ITPRIP: variants seen among roughly 807,000 people sequenced by gnomAD.
ITPRIP encodes the protein inositol 1,4,5-trisphosphate receptor interacting protein.
Under a neutral mutation model 35.8 loss-of-function variants are expected in ITPRIP, and 32 were observed. The observed-to-expected ratio is 0.89, with a 90% CI of 0.68 to 1.20. ITPRIP has a LOEUF of 1.20. ITPRIP is among the 50% of genes most tolerant of loss of function. The probability of loss-of-function intolerance (pLI) is 0.00; values close to 1 mark genes in which losing one functional copy is unlikely to be tolerated. For missense variants in ITPRIP, 653 were observed against 735.6 expected (o/e 0.89, Z 1.30); for synonymous variants, 358 against 324.0 (o/e 1.11, Z -1.13).
intron 1 of ITPRIP, among the ~76,000 whole-genome samples, chr10:104,336,494 T>TGGGG (rs60388927): frequency 2.7e-5 from 2 of 74,608 alleles, no homozygotes; most frequent in Non-Finnish European, 6.0e-5. Flanking sequence ...TATTTTTTTT[T>TGGGG]GGGGGGGGGG....
intron 1 of ITPRIP, among the ~76,000 whole-genome samples, chr10:104,325,808 A>G (rs573660503): frequency 6.0e-4 from 91 of 152,218 alleles, no homozygotes; most frequent in Non-Finnish European, 1.2e-3. Context: ...GTATTAGAGT[A>G]AGGCCTGTGG....
At position 104,333,092 on chromosome 10, in the gene ITPRIP, C is replaced by A. The variant is rs989851379; in HGVS notation, c.-14+5154G>T. ...ATGGAAAGTCACTTTTCTGATGGCCCCATCACTGCTCCAGCCTGCCCTTCC... is the reference window on the plus strand; with the variant it reads ...ATGGAAAGTCACTTTTCTGATGGCCACATCACTGCTCCAGCCTGCCCTTCC... On this transcript the variant is annotated intron_variant, in intron 1 of 1. Transcript: ENST00000337478. The surrounding 1 kb of genome is among the most constrained non-coding windows in gnomAD (Gnocchi z 4.1). 1.3e-5 allele frequency among the ~76,000 whole-genome samples: 2 copies of A among 152,170 alleles called. No homozygotes were observed. The highest frequency in any genetic ancestry group is 4.8e-5 in the African/African-American group (2 of 41,444).
At chr10:104,332,195 G>C (rs1017339779) in intron 1 of ITPRIP, among the ~76,000 whole-genome samples, 47 of 152,032 alleles carry the variant, frequency 3.1e-4, no homozygotes, top group African/African-American at 1.1e-3. Context: ...CCCTAGAATG[G>C]GGCTTTGCTC....
rs889050028 is a variant in ITPRIP, at chr10:104,313,063, G to T, written c.*1345C>A. The T allele has an allele frequency of 1.4e-5, 14 of 985,432 alleles. No homozygotes were observed. Among genetic ancestry groups the T allele is most frequent in the Non-Finnish European group, 1.7e-5 (14 of 829,976 alleles). The allele number at this position is 985,432 out of a possible 1,614,324, so 61.0% of individuals were successfully genotyped here. A position where few individuals can be genotyped will look rare whatever the true frequency, so the allele number is the denominator to read the frequency against. On this transcript the variant is annotated 3_prime_UTR_variant, in exon 2 of 2. Coordinates refer to ENST00000337478, the MANE Select transcript of ITPRIP (RefSeq NM_001272013.2). ...CTCTTTGGGTCTGGGTCATCTGTGT[G>T]GTCAGCAGTGCCCACACAGAAGGGG...
Position 104,315,327 on chromosome 10 carries a change from T to C in ITPRIP, c.725A>G (p.Gln242Arg), listed in dbSNP as rs767974264. Residue 242 changes from glutamine (Q) to arginine (R), a missense_variant, in exon 2 of 2, where the codon CAG becomes CGG. Gln to Arg is a conservative substitution (Grantham distance 43, BLOSUM62 1). Transcript: ENST00000337478. This position sits in a 1 kb window ranked among gnomAD's most constrained non-coding sequence, Gnocchi z 5.7. ...CCCATCGGCGCGGACCACCTTGATCTGGCCGTAGCCCTGGCGATCCAGGGG... is the reference window on the plus strand; with the variant it reads ...CCCATCGGCGCGGACCACCTTGATCCGGCCGTAGCCCTGGCGATCCAGGGG... ...SVPLDRQGYG[Q>R]IKVVRADGDT... 1.3e-5 allele frequency: 21 copies of C among 1,567,478 alleles called. No individual in the cohort carries two copies. The highest frequency in any genetic ancestry group is 1.8e-5 in the Non-Finnish European group (21 of 1,153,630).
At chr10:104,332,600 C>A (rs912836918) in intron 1 of ITPRIP, among the ~76,000 whole-genome samples, 1 of 152,186 alleles carries the variant, frequency 6.6e-6, no homozygotes. Context: ...AAGCAGCAGG[C>A]ATCACCTGAT....
intron 1 of ITPRIP, among the ~76,000 whole-genome samples, chr10:104,321,157 G>A (rs1449540017): frequency 6.6e-6 from 1 of 152,114 alleles, no homozygotes; most frequent in African/African-American, 2.4e-5. Flanking sequence ...CCTCTGCCTT[G>A]GCCCAAAGTT....
intron 1 of ITPRIP, among the ~76,000 whole-genome samples, chr10:104,327,375 C>T (rs952527294): frequency 3.3e-5 from 5 of 152,102 alleles, no homozygotes; most frequent in African/African-American, 1.2e-4. Flanking sequence ...AAGGCCTGGC[C>T]CAACCAGCCT....
At position 104,310,341 on chromosome 10, in the gene ITPRIP, G is replaced by A. The variant is rs1182624704; in HGVS notation, c.*4067C>T. ...ATAGATAAGGACTCCTTAGTTTGGGGGTGAATCAAGTTACTGTCTCACTCA... is the reference window on the plus strand; with the variant it reads ...ATAGATAAGGACTCCTTAGTTTGGGAGTGAATCAAGTTACTGTCTCACTCA... On this transcript the variant is annotated 3_prime_UTR_variant, in exon 2 of 2. Transcript: ENST00000337478. 1.3e-5 allele frequency: 2 copies of A among 152,094 alleles called. No individual in the cohort carries two copies. Among genetic ancestry groups the A allele is most frequent in the East Asian group, 1.9e-4 (1 of 5,182 alleles). The allele number at this position is 152,094 out of a possible 1,614,324, so 9.4% of individuals were successfully genotyped here.
rs1474291950 is a variant in ITPRIP, at chr10:104,314,162, G to C, written c.*246C>G. 7.7e-7 allele frequency: 1 copy of C among 1,294,140 alleles called. No individual in the cohort carries two copies. Among genetic ancestry groups the C allele is most frequent in the Non-Finnish European group, 9.8e-7 (1 of 1,020,754 alleles). 80.2% of individuals were successfully genotyped at this position (1,294,140 alleles called of 1,614,324 possible). A position where few individuals can be genotyped will look rare whatever the true frequency, so the allele number is the denominator to read the frequency against. ...ATTCATGGTGATCCAGAAGTAAACT[G>C]CAAGGGATCAGTCCCTAAACCCAAA... On this transcript the variant is annotated 3_prime_UTR_variant, in exon 2 of 2. Transcript: ENST00000337478.
intron 1 of ITPRIP, among the ~76,000 whole-genome samples, chr10:104,318,255 C>T (rs1326350288): frequency 6.6e-5 from 10 of 152,158 alleles, no homozygotes. Context: ...GGGTCCAAGG[C>T]ATAACTAACT....
intron 1 of ITPRIP, among the ~76,000 whole-genome samples, chr10:104,336,909 C>T (rs947764522): frequency 3.3e-5 from 5 of 152,162 alleles, no homozygotes; most frequent in Admixed American, 2.0e-4. Flanking sequence ...CTTTATCTTA[C>T]GTAAAATGTA....
intron 1 of ITPRIP, among the ~76,000 whole-genome samples, chr10:104,327,843 G>A (rs1354219914): frequency 6.6e-6 from 1 of 152,212 alleles, no homozygotes; most frequent in Non-Finnish European, 1.5e-5. Context: ...GAGAGGTGGG[G>A]CAATGTGCTC....
intron 1 of ITPRIP, among the ~76,000 whole-genome samples, chr10:104,337,156 T>A (rs1260175756): frequency 6.6e-6 from 1 of 152,216 alleles, no homozygotes; most frequent in East Asian, 1.9e-4. Flanking sequence ...TTTCTGATAC[T>A]CTATTTTCAG....
chr10:104,315,307 C>T lies in ITPRIP; in HGVS notation c.745G>A (p.Asp249Asn), dbSNP rs374298998. The T allele has an allele frequency of 9.7e-5, 154 of 1,579,886 alleles. No individual in the cohort carries two copies. Among genetic ancestry groups the T allele is most frequent in the African/African-American group, 1.7e-4 (13 of 74,372 alleles). Reference sequence around the variant, plus strand: ...CAGATGCAGCTCAATGTGTCCCCATCGGCGCGGACCACCTTGATCTGGCCG... The same window carrying T: ...CAGATGCAGCTCAATGTGTCCCCATTGGCGCGGACCACCTTGATCTGGCCG... ...GYGQIKVVRA[D>N]GDTLSCICGK... The change falls in exon 2 of 2, where the codon GAT becomes AAT. Residue 249 changes from aspartate (D) to asparagine (N), a missense_variant. Coordinates refer to ENST00000337478, the MANE Select transcript of ITPRIP (RefSeq NM_001272013.2). The surrounding 1 kb of genome is among the most constrained non-coding windows in gnomAD (Gnocchi z 5.7).
In ITPRIP at chr10:104,315,560, C is replaced by T. The variant is rs1310770883; in HGVS notation, c.492G>A (p.Leu164=). ...TADAARTREF[L]EGFVDDLLEA... ...CCAGCAAGTCATCCACGAAGCCTTC[C>T]AGGAACTCCCGGGTACGGGCTGCAT... Residue 164 remains leucine, a synonymous_variant, in exon 2 of 2, where the codon CTG becomes CTA. Transcript: ENST00000337478. The surrounding 1 kb of genome is among the most constrained non-coding windows in gnomAD (Gnocchi z 5.7). 2 of 1,614,158 alleles carry T rather than the reference C, an allele frequency of 1.2e-6. No homozygotes were observed. Among genetic ancestry groups the T allele is most frequent in the East Asian group, 2.2e-5 (1 of 44,878 alleles).
chr10:104,330,242 A>G (rs1010813518), intron 1 of ITPRIP, among the ~76,000 whole-genome samples: 1 of 152,262 alleles, frequency 6.6e-6, no homozygotes, highest in African/African-American at 2.4e-5. Flanking sequence ...TCCCAGGAGC[A>G]GGAATTTGAA....
chr10:104,324,295 C>T (rs941803934), intron 1 of ITPRIP, among the ~76,000 whole-genome samples: 1 of 152,180 alleles, frequency 6.6e-6, no homozygotes, highest in African/African-American at 2.4e-5. Context: ...GGCTGGGTCC[C>T]TCTTCACTTG....
At position 104,315,302 on chromosome 10, in the gene ITPRIP, C is replaced by A. The variant is rs1384113530; in HGVS notation, c.750G>T (p.Gly250=). The A allele has an allele frequency of 3.2e-6, 5 of 1,584,924 alleles. No homozygotes were observed. The highest frequency in any genetic ancestry group is 4.3e-6 in the Non-Finnish European group (5 of 1,163,002). ...TGCCGCAGATGCAGCTCAATGTGTC[C>A]CCATCGGCGCGGACCACCTTGATCT... ...YGQIKVVRAD[G]DTLSCICGKT... The change falls in exon 2 of 2, where the codon GGG becomes GGT. Residue 250 remains glycine, a synonymous_variant. Coordinates refer to ENST00000337478, the MANE Select transcript of ITPRIP (RefSeq NM_001272013.2). The surrounding 1 kb of genome is among the most constrained non-coding windows in gnomAD (Gnocchi z 5.7).
Sources: allele counts gnomAD v4.1 joint callset (sites outside exome capture counted in the v4.1 genomes callset), GRCh38; gene constraint gnomAD v4.1.1; non-coding constraint Gnocchi (gnomAD v3.1); transcripts MANE v1.5; gene names NCBI Gene and HGNC (gene_info 2026-07-23, HGNC 2026-07-21).